IL1R1: variants seen among roughly 807,000 people sequenced by gnomAD.
The protein encoded by IL1R1 is interleukin-1 receptor type 1.
A neutral mutation model predicts 50.2 loss-of-function variants in IL1R1; 22 were observed. The observed-to-expected ratio is 0.44, with a 90% CI of 0.31 to 0.63. The LOEUF is 0.63. Among genes scored for constraint, IL1R1 ranks in the 20% least tolerant of loss-of-function variants. The pLI, the probability that IL1R1 is intolerant of heterozygous loss-of-function variation, is 0.07. For missense variants in IL1R1, 509 were observed against 676.2 expected (o/e 0.75, Z 2.74); for synonymous variants, 251 against 236.7 (o/e 1.06, Z -0.55).
intron 6 of IL1R1, among the ~76,000 whole-genome samples, chr2:102,167,333 C>G (rs182132271): frequency 2.6e-5 from 4 of 152,070 alleles, no homozygotes; most frequent in South Asian, 2.1e-4. Context: ...TTTTTAGCAG[C>G]CTGTCATTGG....
intron 1 of IL1R1, among the ~76,000 whole-genome samples, chr2:102,082,841 C>T (rs1473533648): frequency 1.3e-5 from 2 of 152,116 alleles, no homozygotes; most frequent in Non-Finnish European, 2.9e-5. Flanking sequence ...GCTGGGTACT[C>T]TCAGAGATTG....
chr2:102,145,208 A>G (rs1209433434), intron 1 of IL1R1, among the ~76,000 whole-genome samples: 1 of 152,360 alleles, frequency 6.6e-6, no homozygotes, highest in East Asian at 1.9e-4. Flanking sequence ...GCACAGCTCC[A>G]GGATGCTACC....
chr2:102,173,457 G>A (rs924044734), intron 9 of IL1R1, among the ~76,000 whole-genome samples: 4 of 152,118 alleles, frequency 2.6e-5, no homozygotes, highest in African/African-American at 9.7e-5. Context: ...TTAAATACTG[G>A]CAGCATACAA....
chr2:102,172,140 G>A lies in IL1R1; in HGVS notation c.839+222G>A, dbSNP rs767424239. ...TGTGGTGCAAATTACAGACCACTTA[G>A]AAGCCTTTCTCTTACGTTATACATG... On this transcript the variant is annotated intron_variant, in intron 8 of 11. Coordinates refer to ENST00000410023, the MANE Select transcript of IL1R1 (RefSeq NM_000877.4). 3.3e-4 allele frequency: 120 copies of A among 366,164 alleles called. 1 individual carries two copies. Among genetic ancestry groups the A allele is most frequent in the Non-Finnish European group, 4.1e-4 (112 of 276,314 alleles). 22.7% of individuals were successfully genotyped at this position (366,164 alleles called of 1,614,324 possible). A position where few individuals can be genotyped will look rare whatever the true frequency, so the allele number is the denominator to read the frequency against.
At chr2:102,097,457 C>T (rs1204343941) in intron 1 of IL1R1, among the ~76,000 whole-genome samples, 1 of 152,096 alleles carries the variant, frequency 6.6e-6, no homozygotes, top group Admixed American at 6.5e-5. Context: ...CTCTTAATTG[C>T]TAAAGCTTTG....
At chr2:102,082,529 A>G (rs570969368) in intron 1 of IL1R1, among the ~76,000 whole-genome samples, 7 of 152,336 alleles carry the variant, frequency 4.6e-5, no homozygotes, top group Middle Eastern at 6.8e-3. Context: ...GTAGTTTCTT[A>G]GGAATAGTGT....
chr2:102,077,107 G>A (rs989172599), intron 1 of IL1R1, among the ~76,000 whole-genome samples: 5 of 151,812 alleles, frequency 3.3e-5, no homozygotes, highest in African/African-American at 1.2e-4. Context: ...GTCTTGCTCT[G>A]TTGCCCAGGC....
At chr2:102,167,675 C>T (rs1025420860) in intron 6 of IL1R1, among the ~76,000 whole-genome samples, 5 of 151,962 alleles carry the variant, frequency 3.3e-5, no homozygotes, top group African/African-American at 7.3e-5. Context: ...GTCTCGATCT[C>T]CTGACCTCGT....
intron 1 of IL1R1, among the ~76,000 whole-genome samples, chr2:102,135,983 A>T (rs1280267587): frequency 6.6e-6 from 1 of 152,024 alleles, no homozygotes; most frequent in African/African-American, 2.4e-5. Flanking sequence ...ACCTTCTGAG[A>T]CTCCATGCCT....
At chr2:102,090,966 ATTGG>A (rs1006728767) in intron 1 of IL1R1, among the ~76,000 whole-genome samples, 57 of 152,316 alleles carry the variant, frequency 3.7e-4, no homozygotes, top group Middle Eastern at 3.4e-3. Context: ...GCAATGAGGT[ATTGG>A]TAAACTCAGT....
chr2:102,160,858 G>A lies in IL1R1; in HGVS notation c.61+3073G>A, dbSNP rs564222053. 7.2e-5 allele frequency among the ~76,000 whole-genome samples: 11 copies of A among 152,258 alleles called. No homozygotes were observed. The South Asian group carries it at 2.1e-3, about 29-fold the overall frequency. On this transcript the variant is annotated intron_variant, in intron 3 of 11. Transcript: ENST00000410023. ...CTGGTGATTCTCCCTGTGGTTTTGCGTGGTATGGCACACCCCTTCTGTCCG... is the reference window on the plus strand; with the variant it reads ...CTGGTGATTCTCCCTGTGGTTTTGCATGGTATGGCACACCCCTTCTGTCCG...
chr2:102,078,040 A>G (rs924617584), intron 1 of IL1R1, among the ~76,000 whole-genome samples: 2 of 152,292 alleles, frequency 1.3e-5, no homozygotes, highest in East Asian at 3.9e-4. Context: ...TGAAAGCACA[A>G]TACACCAAGC....
intron 1 of IL1R1, among the ~76,000 whole-genome samples, chr2:102,088,349 T>G (rs1344904597): frequency 2.0e-5 from 3 of 152,208 alleles, no homozygotes; most frequent in Admixed American, 2.0e-4. Context: ...ATTAATCTCT[T>G]TTTACATCTT....
chr2:102,169,348 T>C (rs1685472686), intron 7 of IL1R1, among the ~76,000 whole-genome samples: 2 of 152,152 alleles, frequency 1.3e-5, no homozygotes, highest in Non-Finnish European at 2.9e-5. Context: ...GCGCATGGAG[T>C]TATGGACATG....
At chr2:102,136,960 C>G (rs1348193414) in intron 1 of IL1R1, among the ~76,000 whole-genome samples, 2 of 152,272 alleles carry the variant, frequency 1.3e-5, no homozygotes, top group Middle Eastern at 3.4e-3. Context: ...ACACTAGAAA[C>G]AAAATCATTC....
chr2:102,074,058 C>T (rs1678854534), intron 1 of IL1R1, among the ~76,000 whole-genome samples: 1 of 152,164 alleles, frequency 6.6e-6, no homozygotes, highest in African/African-American at 2.4e-5. Context: ...TGATGAGCAG[C>T]ACGTGGTCTC....
At chr2:102,100,754 A>G (rs1680106184), upstream of IL1R1, among the ~76,000 whole-genome samples, 1 of 152,106 alleles carries the variant, frequency 6.6e-6, no homozygotes, top group Non-Finnish European at 1.5e-5. Flanking sequence ...AAATCCCTTA[A>G]ACTCAGTAAT....
intron 1 of IL1R1, among the ~76,000 whole-genome samples, chr2:102,077,109 T>C (rs1333494135): frequency 2.0e-5 from 3 of 152,182 alleles, no homozygotes; most frequent in Non-Finnish European, 4.4e-5. Context: ...CTTGCTCTGT[T>C]GCCCAGGCTG....
At chr2:102,097,117 G>A (rs1233143057) in intron 1 of IL1R1, among the ~76,000 whole-genome samples, 1 of 152,152 alleles carries the variant, frequency 6.6e-6, no homozygotes, top group African/African-American at 2.4e-5. Flanking sequence ...TCTAAAGTTG[G>A]TCATTGGCTC....
Sources: allele counts gnomAD v4.1 joint callset (sites outside exome capture counted in the v4.1 genomes callset), GRCh38; gene constraint gnomAD v4.1.1; transcripts MANE v1.5; gene names NCBI Gene and HGNC (gene_info 2026-07-23, HGNC 2026-07-21).